The following PSTK variants were observed in gnomAD, a reference collection of about 807,000 sequenced individuals.
PSTK encodes phosphoseryl-tRNA kinase, also known as L-seryl-tRNA(Sec) kinase.
In PSTK, 26 loss-of-function variants were observed where a neutral mutation model predicts 38.6. The observed-to-expected ratio is 0.67, with a 90% confidence interval of 0.49 to 0.94. PSTK has a LOEUF of 0.94. Among genes scored for constraint, PSTK ranks in the 40% least tolerant of loss-of-function variants. The pLI is 0.00. For synonymous variants in PSTK, 181 were observed against 161.7 expected, an observed-to-expected ratio of 1.12 and a Z score of -0.91; for missense variants, 445 against 436.3, an observed-to-expected ratio of 1.02 and a Z score of -0.18.
chr10:122,985,055 C>T lies in PSTK; in HGVS notation c.708-1245C>T, dbSNP rs141552789. On this transcript the variant is annotated intron_variant, in intron 3 of 5. Transcript: ENST00000406217. ...TGAGCTTTAACTTGATGAGCTCACT[C>T]GCTTAAAACTTTTTAGTGCCACTCC... is the stretch of plus-strand genomic sequence containing the variant. 10 of 152,344 alleles carry T rather than the reference C, an allele frequency of 6.6e-5. No homozygotes were observed. The East Asian group carries it at 9.6e-4, about 15-fold the overall frequency. The allele number at this position is 152,344 out of a possible 1,614,324, so 9.4% of individuals were successfully genotyped here.
At chr10:122,985,512 C>T (rs146172363) in intron 3 of PSTK, 166 of 152,340 alleles carry the variant, frequency 1.1e-3, no homozygotes, top group African/African-American at 3.8e-3. Context: ...TCATATAAGA[C>T]GTTCAATACA....
At position 122,980,662 on chromosome 10, in the gene PSTK, C is replaced by G. The variant is rs1848944040; in HGVS notation, c.183C>G (p.Asp61Glu). 6.3e-7 allele frequency: 1 copy of G among 1,590,874 alleles called. No individual in the cohort carries two copies. The highest frequency in any genetic ancestry group is 1.4e-5 in the African/African-American group (1 of 72,900). The change falls in exon 1 of 6, where the codon GAC (aspartate) becomes GAG (glutamate). Residue 61 changes from aspartate (D) to glutamate (E), a missense_variant. Coordinates refer to ENST00000406217, the MANE Select transcript of PSTK (RefSeq NM_001363531.2). The surrounding 1 kb of genome is among the most constrained non-coding windows in gnomAD (Gnocchi z 4.3). ...TCGCGTATGATGACGTCATGCCCGA[C>G]GCGTTTCTCGCCGGGGCAAGAGCGC... ...GVVAYDDVMPDAFLAGARARP... is the reference protein window; with the variant it reads ...GVVAYDDVMPEAFLAGARARP...
chr10:122,986,267 G>T, intron 3 of PSTK, 33 bp from the exon 4 acceptor site: 2 of 1,324,920 alleles, frequency 1.5e-6, no homozygotes, highest in Non-Finnish European at 2.1e-6. Context: ...TGGATATAAG[G>T]ATCTATTGTA....
chr10:122,986,270 C>G, intron 3 of PSTK, 30 bp from the exon 4 acceptor site: 8 of 1,227,096 alleles, frequency 6.5e-6, no homozygotes, highest in South Asian at 1.3e-5. Flanking sequence ...ATATAAGGAT[C>G]TATTGTATTT....
In PSTK at chr10:122,980,740, C is replaced by T; in HGVS notation, c.216+45C>T. On this transcript the variant is annotated intron_variant, in intron 1 of 5. Transcript: ENST00000406217. This position sits in a 1 kb window ranked among gnomAD's most constrained non-coding sequence, Gnocchi z 4.3. Reference sequence around the variant, plus strand: ...GCCTGGGCCGCGGGGCGGGGCGGGGCGGGGCGGGGCGGGGCGGGGACACTC... The same window carrying T: ...GCCTGGGCCGCGGGGCGGGGCGGGGTGGGGCGGGGCGGGGCGGGGACACTC... 1.1e-5 allele frequency: 1 copy of T among 88,934 alleles called. No homozygotes were observed. The highest frequency in any genetic ancestry group is 1.4e-5 in the Non-Finnish European group (1 of 73,262). 5.5% of individuals were successfully genotyped at this position (88,934 alleles called of 1,614,324 possible).
rs57636916 is a variant in PSTK, at chr10:122,980,723, CGCGGGGCGGGGCGGGGCGGG to C, written c.216+45_216+64del. 648 of 661,062 alleles carry C rather than the reference CGCGGGGCGGGGCGGGGCGGG, an allele frequency of 9.8e-4. 50 individuals are homozygous for C. The highest frequency in any genetic ancestry group is 1.7e-3 in the Admixed American group (28 of 16,576). 40.9% of individuals were successfully genotyped at this position (661,062 alleles called of 1,614,324 possible). On this transcript the variant is annotated intron_variant, in intron 1 of 5. Transcript: ENST00000406217. This position sits in a 1 kb window ranked among gnomAD's most constrained non-coding sequence, Gnocchi z 4.3. ...CAGCACGGAGGGGCGGGGCCTGGGCCGCGGGGCGGGGCGGGGCGGGGCGGGGCGGGGCGGGGACACTCGCG... is the reference window on the plus strand; with the variant it reads ...CAGCACGGAGGGGCGGGGCCTGGGCCGCGGGGCGGGGCGGGGACACTCGCG...
rs1332717226 is a variant in PSTK at position 122,983,292 on chromosome 10, C to T, written c.529C>T (p.Leu177Phe). Residue 177 changes from leucine (L) to phenylalanine (F), a missense_variant, in exon 3 of 6, where the codon CTC becomes TTC. Coordinates refer to ENST00000406217, the MANE Select transcript of PSTK (RefSeq NM_001363531.2). ...ARKYSLGFCQ[L>F]FLDCPLETCL... ...TTCAGATTCGTTGGGCTTTTGCCAG[C>T]TCTTTTTAGATTGTCCTCTTGAGAC... 7 of 1,611,432 alleles carry T rather than the reference C, an allele frequency of 4.3e-6. No homozygotes were observed. Among genetic ancestry groups the T allele is most frequent in the Non-Finnish European group, 5.9e-6 (7 of 1,179,118 alleles).
At chr10:122,989,407 A>G (rs1849088680) in intron 5 of PSTK, among the ~76,000 whole-genome samples, 1 of 152,024 alleles carries the variant, frequency 6.6e-6, no homozygotes, top group South Asian at 2.1e-4. Context: ...ATGTGCCACC[A>G]TGCCCCGCTA....
At chr10:122,988,984 A>G (rs767607173) in intron 5 of PSTK, among the ~76,000 whole-genome samples, 3 of 152,186 alleles carry the variant, frequency 2.0e-5, no homozygotes, top group Non-Finnish European at 2.9e-5. Context: ...GTATCCATAC[A>G]ACAAAATATT....
Position 122,980,716 on chromosome 10 carries a change from C to CGGGG in PSTK, c.216+21_216+22insGGGG, listed in dbSNP as rs1848945816. 2.5e-6 allele frequency: 2 copies of CGGGG among 807,992 alleles called. No homozygotes were observed. The highest frequency in any genetic ancestry group is 1.3e-4 in the East Asian group (1 of 7,992). 50.1% of individuals were successfully genotyped at this position (807,992 alleles called of 1,614,324 possible). On this transcript the variant is annotated intron_variant, in intron 1 of 5. Coordinates refer to ENST00000406217, the MANE Select transcript of PSTK (RefSeq NM_001363531.2). The surrounding 1 kb of genome is among the most constrained non-coding windows in gnomAD (Gnocchi z 4.3). ...CGGCGGTCAGCACGGAGGGGCGGGG[C>CGGGG]CTGGGCCGCGGGGCGGGGCGGGGCG...
In PSTK at chr10:122,983,356, C is replaced by T. The variant is rs751401541; in HGVS notation, c.593C>T (p.Pro198Leu). The part of the protein sequence containing the change: ...QRNGQRPQAL[P>L]PETIHLMGRK... ...AATGGCCAGAGGCCACAGGCACTGC[C>T]TCCTGAGACCATCCACCTGATGGGA... Residue 198 changes from proline (P) to leucine (L), a missense_variant, in exon 3 of 6, where the codon CCT (proline) becomes CTT (leucine). Transcript: ENST00000406217. The T allele has an allele frequency of 1.4e-5, 23 of 1,614,056 alleles. No individual in the cohort carries two copies. The highest frequency in any genetic ancestry group is 1.9e-5 in the Non-Finnish European group (22 of 1,179,984).
chr10:122,983,084 A>T (rs1056713658), intron 2 of PSTK, 60 bp downstream of exon 2: 2 of 1,421,350 alleles, frequency 1.4e-6, no homozygotes, highest in Admixed American at 4.2e-5. Flanking sequence ...CAAAAACACT[A>T]TTGTCTTCAA....
chr10:122,989,520 G>C (rs1018155500), intron 5 of PSTK, among the ~76,000 whole-genome samples: 19 of 152,088 alleles, frequency 1.2e-4, no homozygotes, highest in Non-Finnish European at 2.8e-4. Flanking sequence ...CCACAGTGCT[G>C]GGATTACAGG....
chr10:122,989,396 G>C (rs1252981312), intron 5 of PSTK, among the ~76,000 whole-genome samples: 8 of 151,886 alleles, frequency 5.3e-5, no homozygotes, highest in Non-Finnish European at 1.0e-4. Context: ...GGATTACAGG[G>C]ATGTGCCACC....
At chr10:122,988,453 TGTGCTTAATTAAAAA>T (rs1849065352) in intron 5 of PSTK, among the ~76,000 whole-genome samples, 10 of 152,216 alleles carry the variant, frequency 6.6e-5, no homozygotes, top group Admixed American at 2.0e-4. Flanking sequence ...GTTTTTAATT[TGTGCTTAATTAAAAA>T]TTCAGTTCCT....
chr10:122,986,396 T>G, intron 4 of PSTK, 21 bp downstream of exon 4: 1 of 1,531,052 alleles, frequency 6.5e-7, no homozygotes, highest in Non-Finnish European at 9.1e-7. Context: ...AGTGTAAATT[T>G]AATGTAAATG....
intron 3 of PSTK, chr10:122,983,685 G>A: frequency 1.9e-6 from 1 of 521,434 alleles, no homozygotes; most frequent in South Asian, 2.6e-5. Flanking sequence ...TAACTGTTAC[G>A]ATTATACTGT....
At position 122,983,040 on chromosome 10, in the gene PSTK, T is replaced by A; in HGVS notation, c.508+16T>A. ...GCTCGGAAATGTAATTAAAACTTTT[T>A]TTTTCTTACACATGGAGATACTTAT... On this transcript the variant is annotated intron_variant, in intron 2 of 5. Transcript: ENST00000406217. The A allele has an allele frequency of 1.3e-6, 2 of 1,591,846 alleles. No homozygotes were observed. The highest frequency in any genetic ancestry group is 1.7e-6 in the Non-Finnish European group (2 of 1,168,898).
intron 5 of PSTK, chr10:122,987,581 A>G (rs1327081933): frequency 6.5e-7 from 1 of 1,548,064 alleles, no homozygotes; most frequent in Admixed American, 1.9e-5. Flanking sequence ...TGTATTATAA[A>G]TCTGAATTTA....
Sources: allele counts gnomAD v4.1 joint callset (sites outside exome capture counted in the v4.1 genomes callset), GRCh38; gene constraint gnomAD v4.1.1; non-coding constraint Gnocchi (gnomAD v3.1); transcripts MANE v1.5; gene names NCBI Gene and HGNC (gene_info 2026-07-23, HGNC 2026-07-21).